Variants in MACROD2 observed in about 807,000 individuals in gnomAD.
MACROD2 encodes mono-ADP ribosylhydrolase 2, also known as ADP-ribose glycohydrolase MACROD2.
Under a neutral mutation model 70.4 loss-of-function variants are expected in MACROD2, and 36 were observed. The ratio of observed to expected loss-of-function variants is 0.51; its 90% confidence interval spans 0.39 to 0.68. MACROD2 has a LOEUF of 0.68. Ranked by LOEUF, MACROD2 falls within the 30% of genes least tolerant of loss-of-function variation. MACROD2 has a pLI of 0.00. For synonymous variants in MACROD2, 172 were observed against 178.8 expected, an observed-to-expected ratio of 0.96 and a Z score of 0.30; for missense variants, 496 against 538.4, an observed-to-expected ratio of 0.92 and a Z score of 0.78.
intron 4 of MACROD2, among the ~76,000 whole-genome samples, chr20:14,547,030 C>T (rs543288732): frequency 3.3e-5 from 5 of 152,044 alleles, no homozygotes; most frequent in African/African-American, 1.2e-4. Flanking sequence ...TAAAATATCA[C>T]GTACTTTTCC....
chr20:14,425,470 T>G (rs1234761808), intron 3 of MACROD2, among the ~76,000 whole-genome samples: 2 of 152,180 alleles, frequency 1.3e-5, no homozygotes, highest in African/African-American at 4.8e-5. Context: ...GCTACAATAT[T>G]TTTTCCTTTT....
chr20:14,235,932 T>G (rs1015807113), intron 3 of MACROD2, among the ~76,000 whole-genome samples: 3 of 152,092 alleles, frequency 2.0e-5, no homozygotes, highest in African/African-American at 7.2e-5. Flanking sequence ...ATAGTATTAC[T>G]GTTTTTTTAA....
chr20:14,097,763 T>C (rs2054247750), intron 3 of MACROD2, among the ~76,000 whole-genome samples: 1 of 152,220 alleles, frequency 6.6e-6, no homozygotes, highest in Non-Finnish European at 1.5e-5. Context: ...ATGAGAAATC[T>C]TGGGGATGGG....
chr20:15,872,357 G>T (rs1244029902), intron 9 of MACROD2, among the ~76,000 whole-genome samples: 2 of 152,140 alleles, frequency 1.3e-5, no homozygotes, highest in Non-Finnish European at 2.9e-5. Context: ...CTTGAAGAAG[G>T]GGTGGTGAAT....
Position 14,227,286 on chromosome 20 carries a change from G to A in MACROD2, c.271+141558G>A, listed in dbSNP as rs562257258. ...TAAAAGCAGGCTGCCGGAGCCAGCAGTGGCAACAGGCTCGGGTCCCCTTTC... is the reference window on the plus strand; with the variant it reads ...TAAAAGCAGGCTGCCGGAGCCAGCAATGGCAACAGGCTCGGGTCCCCTTTC... On this transcript the variant is annotated intron_variant, in intron 3 of 17. Transcript: ENST00000684519. 2.6e-4 allele frequency among the ~76,000 whole-genome samples: 40 copies of A among 152,286 alleles called. No individual in the cohort carries two copies. The South Asian group carries it at 5.4e-3, about 21-fold the overall frequency.
intron 5 of MACROD2, among the ~76,000 whole-genome samples, chr20:14,967,491 G>GTT (rs112873664): frequency 5.9e-5 from 9 of 151,790 alleles, no homozygotes; most frequent in South Asian, 4.2e-4. Flanking sequence ...GTTTGTTTTT[G>GTT]TTTTTTTTGA....
At chr20:15,186,505 C>T (rs566292405) in intron 5 of MACROD2, among the ~76,000 whole-genome samples, 38 of 152,140 alleles carry the variant, frequency 2.5e-4, no homozygotes, top group African/African-American at 6.5e-4. Flanking sequence ...GTATTTCTTC[C>T]GGACTTAAGA....
chr20:14,621,566 A>G (rs1026652105), intron 4 of MACROD2, among the ~76,000 whole-genome samples: 4 of 152,194 alleles, frequency 2.6e-5, no homozygotes, highest in Non-Finnish European at 5.9e-5. Context: ...TTTTCTGCTC[A>G]GCATAACATG....
At chr20:15,073,466 A>AACACACACACAC (rs11468103) in intron 5 of MACROD2, among the ~76,000 whole-genome samples, 23 of 143,952 alleles carry the variant, frequency 1.6e-4, no homozygotes, top group Non-Finnish European at 2.8e-4. Flanking sequence ...TAATTCTCCC[A>AACACACACACAC]ACACACACAC....
chr20:14,824,747 A>G (rs2072883463), intron 5 of MACROD2, among the ~76,000 whole-genome samples: 1 of 152,142 alleles, frequency 6.6e-6, no homozygotes. Flanking sequence ...TCCCATGGCA[A>G]TTGGGAGGGG....
At chr20:15,250,522 A>G (rs550511014) in intron 6 of MACROD2, among the ~76,000 whole-genome samples, 2 of 152,262 alleles carry the variant, frequency 1.3e-5, no homozygotes, top group South Asian at 2.1e-4. Context: ...AGGTGAACAT[A>G]TAAGTCAAAG....
chr20:14,426,835 G>T (rs1438501254), intron 3 of MACROD2, among the ~76,000 whole-genome samples: 1 of 152,090 alleles, frequency 6.6e-6, no homozygotes, highest in Non-Finnish European at 1.5e-5. Context: ...TGTTTTCAGT[G>T]TGTTTTCCAC....
At chr20:14,390,891 A>C (rs1167998351) in intron 3 of MACROD2, among the ~76,000 whole-genome samples, 1 of 152,222 alleles carries the variant, frequency 6.6e-6, no homozygotes, top group African/African-American at 2.4e-5. Context: ...ACCACTGATC[A>C]TTCAAGAAAT....
At chr20:15,253,993 C>T (rs527349288) in intron 6 of MACROD2, among the ~76,000 whole-genome samples, 1 of 152,296 alleles carries the variant, frequency 6.6e-6, no homozygotes, top group South Asian at 2.1e-4. Flanking sequence ...TCCTGTATCA[C>T]CTACAGGTGA....
intron 8 of MACROD2, among the ~76,000 whole-genome samples, chr20:15,623,679 C>CCTACCTAT (rs2049159163): frequency 6.8e-6 from 1 of 148,140 alleles, no homozygotes; most frequent in Non-Finnish European, 1.5e-5. Flanking sequence ...AAGTTATCTG[C>CCTACCTAT]CTATCTATCT....
intron 5 of MACROD2, among the ~76,000 whole-genome samples, chr20:14,752,286 T>G (rs1310618738): frequency 6.6e-6 from 1 of 152,066 alleles, no homozygotes; most frequent in African/African-American, 2.4e-5. Context: ...AAATTTAAAT[T>G]TAAAACATTT....
chr20:14,603,204 T>G (rs1982601991), intron 4 of MACROD2, among the ~76,000 whole-genome samples: 1 of 152,202 alleles, frequency 6.6e-6, no homozygotes, highest in Non-Finnish European at 1.5e-5. Context: ...CTTGAAGAGT[T>G]TTTACATCTT....
At chr20:14,399,570 C>T (rs895939262) in intron 3 of MACROD2, among the ~76,000 whole-genome samples, 20 of 152,086 alleles carry the variant, frequency 1.3e-4, no homozygotes, top group African/African-American at 4.8e-4. Flanking sequence ...CTGTGCTTGT[C>T]GTTCTTGAAT....
At chr20:15,139,839 T>C (rs1459105562) in intron 5 of MACROD2, among the ~76,000 whole-genome samples, 2 of 152,150 alleles carry the variant, frequency 1.3e-5, no homozygotes, top group Admixed American at 6.5e-5. Flanking sequence ...TCCAGTTACC[T>C]GGTGGTGACA....
Sources: allele counts gnomAD v4.1 joint callset (sites outside exome capture counted in the v4.1 genomes callset), GRCh38; gene constraint gnomAD v4.1.1; transcripts MANE v1.5; gene names NCBI Gene and HGNC (gene_info 2026-07-23, HGNC 2026-07-21).